PPIP5K2: variants seen among roughly 807,000 people sequenced by gnomAD.
PPIP5K2 encodes the protein diphosphoinositol pentakisphosphate kinase 2, also known as inositol hexakisphosphate and diphosphoinositol-pentakisphosphate kinase 2.
In PPIP5K2, 105 loss-of-function variants were observed where a neutral mutation model predicts 154.6. The ratio of observed to expected loss-of-function variants is 0.68; its 90% CI spans 0.58 to 0.80. The LOEUF is 0.80. Among genes scored for constraint, PPIP5K2 ranks in the 30% least tolerant of loss-of-function variants. The pLI is 0.00. For missense variants in PPIP5K2, 992 were observed against 1,504.6 expected (o/e 0.66, Z 5.64); for synonymous variants, 480 against 490.3 (o/e 0.98, Z 0.28).
intron 23 of PPIP5K2, 47 bp from the exon 24 acceptor site, chr5:103,179,974 T>C: frequency 7.0e-7 from 1 of 1,437,136 alleles, no homozygotes; most frequent in Non-Finnish European, 9.2e-7. Context: ...TCAGAAGAGA[T>C]TTCTTAAATC....
At chr5:103,195,614 C>CTA (rs1801969079) in intron 30 of PPIP5K2, among the ~76,000 whole-genome samples, 1 of 152,280 alleles carries the variant, frequency 6.6e-6, no homozygotes, top group South Asian at 2.1e-4. Flanking sequence ...CTGAAATGCT[C>CTA]TCTTACCCTA....
rs1238745892 is a variant in PPIP5K2, at chr5:103,149,274, A to T, written c.867A>T (p.Arg289=). 3.1e-6 allele frequency: 5 copies of T among 1,613,618 alleles called. No homozygotes were observed. In the African/African-American group the frequency reaches 6.7e-5, roughly 22 times the overall value. The change falls in exon 8 of 31, where the codon CGA becomes CGT. Residue 289 remains arginine, a synonymous_variant. Transcript: ENST00000358359. ...EVRYPVILNA[R]EKLIAWKVCL... ...GATACCCTGTTATTCTCAATGCACGAGAGAAATTAATTGCTTGGAAAGTCT... is the reference window on the plus strand; with the variant it reads ...GATACCCTGTTATTCTCAATGCACGTGAGAAATTAATTGCTTGGAAAGTCT...
chr5:103,160,701 C>G (rs1796084216), intron 17 of PPIP5K2, among the ~76,000 whole-genome samples: 1 of 152,172 alleles, frequency 6.6e-6, no homozygotes, highest in South Asian at 2.1e-4. Flanking sequence ...CACATTTGAC[C>G]TGCAGGCTAT....
intron 17 of PPIP5K2, among the ~76,000 whole-genome samples, chr5:103,165,394 G>A (rs1238076321): frequency 2.0e-5 from 3 of 152,040 alleles, no homozygotes; most frequent in Admixed American, 2.0e-4. Context: ...TAGCAATAAT[G>A]TGAACAATGA....
chr5:103,203,739 T>TTCCTTCA lies in PPIP5K2; in HGVS notation c.*2106_*2112dup. ...TTAATCTTCATAATGTATTATTCAG[T>TTCCTTCA]TCCTTCACCCTTAAAAGCCATATAA... On this transcript the variant is annotated 3_prime_UTR_variant, in exon 31 of 31. Coordinates refer to ENST00000358359, the MANE Select transcript of PPIP5K2 (RefSeq NM_001276277.3). The TTCCTTCA allele has an allele frequency of 6.6e-6, 1 of 152,292 alleles. No homozygotes were observed. Among genetic ancestry groups the TTCCTTCA allele is most frequent in the African/African-American group, 2.4e-5 (1 of 41,550 alleles). The allele number at this position is 152,292 out of a possible 1,614,324, so 9.4% of individuals were successfully genotyped here.
Position 103,177,937 on chromosome 5 carries a change from A to G in PPIP5K2, c.2711A>G (p.Lys904Arg). The G allele has an allele frequency of 6.2e-7, 1 of 1,613,084 alleles. No individual in the cohort carries two copies. The highest frequency in any genetic ancestry group is 8.5e-7 in the Non-Finnish European group (1 of 1,179,170). ...SPGAKGCEED[K>R]NLPSGYGYRP... ...GGAGCCAAAGGTTGTGAAGAAGACA[A>G]AAATTTGCCATCTGGCTATGGATAT... The change falls in exon 23 of 31, where the codon AAA becomes AGA. Residue 904 changes from lysine (K) to arginine (R), a missense_variant. Coordinates refer to ENST00000358359, the MANE Select transcript of PPIP5K2 (RefSeq NM_001276277.3).
At chr5:103,127,271 A>C (rs1395008327) in intron 1 of PPIP5K2, among the ~76,000 whole-genome samples, 1 of 152,220 alleles carries the variant, frequency 6.6e-6, no homozygotes, top group African/African-American at 2.4e-5. Context: ...GCATTGACAT[A>C]CTGGACCTGG....
intron 30 of PPIP5K2, among the ~76,000 whole-genome samples, chr5:103,199,081 AT>A (rs1214334855): frequency 1.3e-5 from 2 of 152,044 alleles, no homozygotes; most frequent in Non-Finnish European, 2.9e-5. Context: ...CCCTCTTCCC[AT>A]TCTTTACACA....
At chr5:103,125,604 C>A (rs1789532930) in intron 1 of PPIP5K2, among the ~76,000 whole-genome samples, 1 of 151,956 alleles carries the variant, frequency 6.6e-6, no homozygotes, top group Non-Finnish European at 1.5e-5. Context: ...AAATAACTGT[C>A]TGTATAACTT....
intron 5 of PPIP5K2, among the ~76,000 whole-genome samples, chr5:103,140,070 T>C (rs1792291447): frequency 6.6e-6 from 1 of 151,814 alleles, no homozygotes; most frequent in Admixed American, 6.6e-5. Context: ...GCACTTTTCA[T>C]CTTTTTAGCC....
Position 103,124,333 on chromosome 5 carries a change from C to T in PPIP5K2, c.-285+3845C>T, listed in dbSNP as rs113133735. Among the ~76,000 whole-genome samples the T allele has an allele frequency of 5.7e-3, 865 of 150,980 alleles. 6 individuals carry two copies. Among genetic ancestry groups the T allele is most frequent in the African/African-American group, 0.02 (828 of 41,178 alleles). ...TACGACATATATCCTACTTAGGTGA[C>T]AGAAATGTATTTGAATTTATTTTAT... On this transcript the variant is annotated intron_variant, in intron 1 of 30. Transcript: ENST00000358359.
At chr5:103,183,480 A>G in intron 25 of PPIP5K2, 73 bp downstream of exon 25, 5 of 1,271,534 alleles carry the variant, frequency 3.9e-6, no homozygotes, top group African/African-American at 1.5e-5. Flanking sequence ...CTTTGAGGAC[A>G]TCTAATCCCT....
At position 103,194,880 on chromosome 5, in the gene PPIP5K2, G is replaced by A; in HGVS notation, c.3494-20G>A. The stretch of plus-strand genomic sequence containing the variant: ...TGGCAGGAAATTATTAAATTAACAT[G>A]TTTGTTTATTTTTTTTCAGCCTCTA... On this transcript the variant is annotated intron_variant, in intron 29 of 30. Coordinates refer to ENST00000358359, the MANE Select transcript of PPIP5K2 (RefSeq NM_001276277.3). 1 of 1,593,918 alleles carries A rather than the reference G, an allele frequency of 6.3e-7. No homozygotes were observed. The highest frequency in any genetic ancestry group is 8.5e-7 in the Non-Finnish European group (1 of 1,171,120).
intron 1 of PPIP5K2, among the ~76,000 whole-genome samples, chr5:103,122,497 A>G (rs2149422777): frequency 6.6e-6 from 1 of 152,340 alleles, no homozygotes; most frequent in African/African-American, 2.4e-5. Flanking sequence ...GGAAAAAGAA[A>G]TCAACAAGAA....
chr5:103,170,498 T>A (rs1797814635), intron 19 of PPIP5K2, among the ~76,000 whole-genome samples: 1 of 151,648 alleles, frequency 6.6e-6, no homozygotes, highest in African/African-American at 2.4e-5. Context: ...TTTACATAAA[T>A]CAGTTCTATT....
intron 13 of PPIP5K2, 114 bp downstream of exon 13, chr5:103,155,057 C>A: frequency 1.8e-6 from 1 of 550,332 alleles, no homozygotes; most frequent in Admixed American, 3.9e-5. Flanking sequence ...CTCTTTGTTA[C>A]TATAGTTGAG....
chr5:103,129,778 T>G, intron 2 of PPIP5K2, 75 bp downstream of exon 2: 1 of 1,401,106 alleles, frequency 7.1e-7, no homozygotes, highest in South Asian at 1.8e-5. Context: ...TGTTAGTCTT[T>G]TTTTGTTGGA....
chr5:103,179,489 A>G (rs1799187397), intron 23 of PPIP5K2, among the ~76,000 whole-genome samples: 1 of 152,126 alleles, frequency 6.6e-6, no homozygotes, highest in Non-Finnish European at 1.5e-5. Flanking sequence ...TCTGTGTCCT[A>G]GAACAATTCA....
At chr5:103,184,968 A>G (rs1260897578) in intron 26 of PPIP5K2, among the ~76,000 whole-genome samples, 1 of 152,172 alleles carries the variant, frequency 6.6e-6, no homozygotes, top group Admixed American at 6.5e-5. Flanking sequence ...GATGCCTGCA[A>G]TGATAACCAC....
Sources: allele counts gnomAD v4.1 joint callset (sites outside exome capture counted in the v4.1 genomes callset), GRCh38; gene constraint gnomAD v4.1.1; transcripts MANE v1.5; gene names NCBI Gene and HGNC (gene_info 2026-07-23, HGNC 2026-07-21).